The following SAMD4A variants were observed in gnomAD, a reference collection of about 807,000 sequenced individuals.
The protein encoded by SAMD4A is protein Smaug homolog 1.
In SAMD4A, 33 loss-of-function variants were observed where a neutral mutation model predicts 81.3. The ratio of observed to expected loss-of-function variants is 0.41; its 90% CI spans 0.31 to 0.54. The LOEUF (loss-of-function observed/expected upper bound fraction) is 0.54. Ranked by LOEUF, SAMD4A falls within the 20% of genes least tolerant of loss-of-function variation. The pLI is 0.37. For missense variants in SAMD4A, 854 were observed against 951.1 expected (o/e 0.90, Z 1.34); for synonymous variants, 389 against 382.1 (o/e 1.02, Z -0.21).
At chr14:54,739,244 A>G (rs985507993) in intron 4 of SAMD4A, among the ~76,000 whole-genome samples, 3 of 151,736 alleles carry the variant, frequency 2.0e-5, no homozygotes, top group Non-Finnish European at 4.4e-5. Context: ...AAATATTGCA[A>G]AGGTTAAGGA....
intron 3 of SAMD4A, among the ~76,000 whole-genome samples, chr14:54,724,016 G>GGAAGGAAGGAAGGAAGGAAGGAAGGAA (rs2037341792): frequency 6.9e-6 from 1 of 145,648 alleles, no homozygotes; most frequent in Non-Finnish European, 1.5e-5. Context: ...ATGGAAGGAA[G>GGAAGGAAGGAAGGAAGGAAGGAAGGAA]GAAGGAAGGA....
chr14:54,760,525 T>A, intron 7 of SAMD4A, 31 bp downstream of exon 7: 4 of 1,382,564 alleles, frequency 2.9e-6, no homozygotes, highest in Non-Finnish European at 2.8e-6. Flanking sequence ...TTCTTTTTTC[T>A]TCTGGATACC....
At chr14:54,644,394 T>C (rs1369952564) in intron 2 of SAMD4A, among the ~76,000 whole-genome samples, 2 of 152,226 alleles carry the variant, frequency 1.3e-5, no homozygotes, top group Non-Finnish European at 2.9e-5. Context: ...AATAGCTAAC[T>C]ATTATTGGGC....
intron 2 of SAMD4A, chr14:54,689,596 C>G (rs555265374): frequency 6.6e-6 from 1 of 152,354 alleles, no homozygotes; most frequent in East Asian, 1.9e-4. Context: ...TCATTCCCCA[C>G]GCCATATTAT....
chr14:54,740,328 TG>T (rs1178444412), intron 4 of SAMD4A, among the ~76,000 whole-genome samples: 1 of 152,268 alleles, frequency 6.6e-6, no homozygotes, highest in Non-Finnish European at 1.5e-5. Context: ...AAGTACTTGC[TG>T]GTCCACTTTG....
In SAMD4A at chr14:54,760,193, G is replaced by T; in HGVS notation, c.1209G>T (p.Pro403=). ...DIIEGGSLRI[P]LQELHQMILT... Reference sequence around the variant, plus strand: ...TCGAGGGGGGCAGCCTGCGCATCCCGCTCCAGGAACTGCACCAGATGATCC... The same window carrying T: ...TCGAGGGGGGCAGCCTGCGCATCCCTCTCCAGGAACTGCACCAGATGATCC... The change falls in exon 7 of 13, where the codon CCG becomes CCT. Residue 403 remains proline (P), a synonymous_variant. Coordinates refer to ENST00000554335, the MANE Select transcript of SAMD4A (RefSeq NM_015589.6). 3 of 1,612,992 alleles carry T rather than the reference G, an allele frequency of 1.9e-6. No individual in the cohort carries two copies. Among genetic ancestry groups the T allele is most frequent in the Non-Finnish European group, 2.5e-6 (3 of 1,179,802 alleles).
intron 3 of SAMD4A, among the ~76,000 whole-genome samples, chr14:54,729,472 ATATCGGC>A (rs2037505715): frequency 6.6e-6 from 1 of 152,194 alleles, no homozygotes; most frequent in Non-Finnish European, 1.5e-5. Flanking sequence ...TAAAAAAGAA[ATATCGGC>A]TTAAATTCAC....
At chr14:54,747,815 A>G (rs1176753291) in intron 4 of SAMD4A, among the ~76,000 whole-genome samples, 1 of 152,204 alleles carries the variant, frequency 6.6e-6, no homozygotes, top group Non-Finnish European at 1.5e-5. Flanking sequence ...TCATTTCGCC[A>G]TCTTTAGAAT....
At chr14:54,672,628 T>A (rs546198933) in intron 2 of SAMD4A, among the ~76,000 whole-genome samples, 5 of 152,236 alleles carry the variant, frequency 3.3e-5, no homozygotes, top group South Asian at 4.1e-4. Context: ...GAATTTTTTT[T>A]AAATCTAACT....
intron 2 of SAMD4A, chr14:54,688,106 G>A (rs1339575870): frequency 2.0e-6 from 2 of 985,350 alleles, no homozygotes; most frequent in Non-Finnish European, 2.4e-6. Flanking sequence ...CCTAACACCT[G>A]GTTCAACTGT....
chr14:54,604,198 TG>T (rs2034138428), intron 2 of SAMD4A, among the ~76,000 whole-genome samples: 1 of 152,254 alleles, frequency 6.6e-6, no homozygotes, highest in African/African-American at 2.4e-5. Context: ...AATTAGCCAT[TG>T]GCTCCTTGCT....
chr14:54,711,602 T>A (rs1594845370), intron 3 of SAMD4A, among the ~76,000 whole-genome samples: 1 of 152,228 alleles, frequency 6.6e-6, no homozygotes, highest in East Asian at 1.9e-4. Flanking sequence ...TACGTCAAAA[T>A]TAAAAGTTAA....
chr14:54,656,012 TA>T (rs1174707251), intron 2 of SAMD4A, among the ~76,000 whole-genome samples: 3 of 152,300 alleles, frequency 2.0e-5, no homozygotes, highest in Admixed American at 2.0e-4. Flanking sequence ...GTTTGGCATA[TA>T]ATAAATGGCA....
chr14:54,774,508 A>C (rs887652355), intron 9 of SAMD4A, among the ~76,000 whole-genome samples: 1 of 152,184 alleles, frequency 6.6e-6, no homozygotes, highest in African/African-American at 2.4e-5. Flanking sequence ...GTTCCAGACC[A>C]GCCTGGGCAA....
At position 54,625,015 on chromosome 14, in the gene SAMD4A, A is replaced by T. The variant is rs150398260; in HGVS notation, c.196+56903A>T. On this transcript the variant is annotated intron_variant, in intron 2 of 12. Coordinates refer to ENST00000554335, the MANE Select transcript of SAMD4A (RefSeq NM_015589.6). ...GCTTCAGGATGAATTTATGACCTGA[A>T]TTTGGTTTCCCATGCTTTCTTTAAC... is the stretch of plus-strand genomic sequence containing the variant. Among the ~76,000 whole-genome samples, 415 of 152,282 alleles carry T rather than the reference A, an allele frequency of 2.7e-3. 2 individuals carry two copies. The highest frequency in any genetic ancestry group is 9.4e-3 in the African/African-American group (389 of 41,552).
At chr14:54,587,984 T>C (rs538536571) in intron 2 of SAMD4A, among the ~76,000 whole-genome samples, 1 of 152,218 alleles carries the variant, frequency 6.6e-6, no homozygotes, top group Non-Finnish European at 1.5e-5. Context: ...GAATGCCTGA[T>C]AGAATTCAGC....
intron 7 of SAMD4A, among the ~76,000 whole-genome samples, chr14:54,761,360 G>T (rs1002411264): frequency 1.3e-5 from 2 of 152,138 alleles, no homozygotes; most frequent in Non-Finnish European, 2.9e-5. Context: ...ATAGAACAAG[G>T]TTAAGTTTCA....
At chr14:54,565,986 C>T (rs895112983), upstream of SAMD4A, among the ~76,000 whole-genome samples, 2 of 151,752 alleles carry the variant, frequency 1.3e-5, no homozygotes, top group African/African-American at 4.8e-5. This position sits in a 1 kb window ranked among gnomAD's most constrained non-coding sequence, Gnocchi z 5.4. Context: ...CCCCCGGCTC[C>T]CCCCGCGTGC....
intron 2 of SAMD4A, among the ~76,000 whole-genome samples, chr14:54,675,575 T>C (rs993179420): frequency 2.5e-4 from 38 of 152,212 alleles, no homozygotes; most frequent in Admixed American, 2.4e-3. Context: ...GTCTTTACTT[T>C]GTTACTAAAT....
Sources: gnomAD v4.1 joint callset for allele counts (sites outside exome capture counted in the v4.1 genomes callset) on GRCh38, gnomAD v4.1.1 for gene constraint, Gnocchi (gnomAD v3.1) non-coding constraint, MANE v1.5 for transcripts, NCBI Gene and HGNC (gene_info 2026-07-23, HGNC 2026-07-21) for gene names.